The following EPHA7 variants were observed in gnomAD, a reference collection of about 807,000 sequenced individuals.
EPHA7 encodes EPH receptor A7.
EPHA7 carries 25 observed loss-of-function variants against 112.6 expected under a neutral mutation model. That is an observed-to-expected ratio of 0.22 (90% confidence interval 0.16 to 0.31). The LOEUF is 0.31. EPHA7 is among the 10% of genes least tolerant of loss of function. The pLI, the probability that EPHA7 is intolerant of heterozygous loss-of-function variation, is 1.00. For missense variants in EPHA7, 962 were observed against 1,212.6 expected (o/e 0.79, Z 3.07); for synonymous variants, 437 against 406.5 (o/e 1.07, Z -0.90).
intron 3 of EPHA7, among the ~76,000 whole-genome samples, chr6:93,407,083 AT>A (rs1209186421): frequency 6.6e-6 from 1 of 152,052 alleles, no homozygotes; most frequent in Non-Finnish European, 1.5e-5. Flanking sequence ...CTTGAGAAGC[AT>A]TTGGTTTTCA....
intron 7 of EPHA7, among the ~76,000 whole-genome samples, chr6:93,268,478 T>A (rs903213196): frequency 6.6e-6 from 1 of 151,810 alleles, no homozygotes; most frequent in South Asian, 2.1e-4. Flanking sequence ...TTAAATATTT[T>A]TAATTGAGAA....
chr6:93,385,213 A>G (rs1323916529), intron 3 of EPHA7, among the ~76,000 whole-genome samples: 1 of 152,148 alleles, frequency 6.6e-6, no homozygotes, highest in Admixed American at 6.5e-5. Context: ...ACTGATTGCA[A>G]ATGTATAATG....
At chr6:93,403,673 A>G (rs2127990368) in intron 3 of EPHA7, among the ~76,000 whole-genome samples, 1 of 152,018 alleles carries the variant, frequency 6.6e-6, no homozygotes, top group African/African-American at 2.4e-5. Flanking sequence ...AAAAAAAAAA[A>G]AAAAGAAAAA....
intron 2 of EPHA7, among the ~76,000 whole-genome samples, chr6:93,413,224 T>C (rs1261547411): frequency 1.3e-5 from 2 of 151,954 alleles, no homozygotes; most frequent in Admixed American, 6.6e-5. Flanking sequence ...ATTGCACAGA[T>C]ATAGAAAATA....
chr6:93,405,783 A>ATGTGTGTGTGTGTG (rs371052750), intron 3 of EPHA7, among the ~76,000 whole-genome samples: 9 of 95,290 alleles, frequency 9.4e-5, no homozygotes, highest in South Asian at 4.2e-4. Flanking sequence ...TTCTGTATAT[A>ATGTGTGTGTGTGTG]TGTGTGTGTG....
At chr6:93,358,530 G>C (rs754605248) in intron 3 of EPHA7, 119 bp from the exon 4 acceptor site, 17 of 797,662 alleles carry the variant, frequency 2.1e-5, no homozygotes, top group Non-Finnish European at 2.6e-5. Flanking sequence ...ACAAGCTCTT[G>C]ATGATAAAAT....
intron 5 of EPHA7, among the ~76,000 whole-genome samples, chr6:93,278,423 C>G (rs1771570562): frequency 6.6e-6 from 1 of 152,056 alleles, no homozygotes; most frequent in South Asian, 2.1e-4. Context: ...CTGTCCTATT[C>G]ATACCAGTCT....
At chr6:93,407,908 C>A (rs922424909) in intron 3 of EPHA7, among the ~76,000 whole-genome samples, 1 of 151,762 alleles carries the variant, frequency 6.6e-6, no homozygotes, top group African/African-American at 2.4e-5. Flanking sequence ...ATAAATATAT[C>A]TATTTACTGT....
chr6:93,274,340 T>C (rs1394691292), intron 5 of EPHA7, among the ~76,000 whole-genome samples: 33 of 151,930 alleles, frequency 2.2e-4, no homozygotes. Flanking sequence ...ATCTACCCTA[T>C]TTAGTTTCTG....
At chr6:93,407,164 T>G (rs182793202) in intron 3 of EPHA7, among the ~76,000 whole-genome samples, 22 of 152,064 alleles carry the variant, frequency 1.4e-4, no homozygotes, top group East Asian at 1.9e-4. Context: ...AATCAGTTTT[T>G]TATAGTTATT....
chr6:93,414,800 A>C, intron 1 of EPHA7, 33 bp from the exon 2 acceptor site: 2 of 1,570,314 alleles, frequency 1.3e-6, no homozygotes, highest in South Asian at 2.2e-5. Context: ...CATATGTTAC[A>C]TGAAACACTT....
chr6:93,247,577 A>C (rs1379573026), intron 14 of EPHA7, among the ~76,000 whole-genome samples: 4 of 152,140 alleles, frequency 2.6e-5, no homozygotes. Context: ...CCCTACTCCA[A>C]GTTCCCTTAC....
intron 5 of EPHA7, among the ~76,000 whole-genome samples, chr6:93,311,321 A>T (rs1305496111): frequency 6.6e-5 from 10 of 151,984 alleles, no homozygotes; most frequent in African/African-American, 2.4e-4. Context: ...CAACCTTCTC[A>T]AACCTTGCCA....
At position 93,410,642 on chromosome 6, in the gene EPHA7, G is replaced by T. The variant is rs749418654; in HGVS notation, c.691C>A (p.Arg231=). ...GSEFSSLVEV[R]GTCVSSAEEE... is the part of the protein sequence containing the mutation. ...TCTGCACTGCTGACACATGTCCCTC[G>T]AACCTCGACTAAAGAGGAAAATTCT... Residue 231 remains arginine, a synonymous_variant, in exon 3 of 17, where the codon CGA becomes AGA. Transcript: ENST00000369303. This position sits in a 1 kb window ranked among gnomAD's most constrained non-coding sequence, Gnocchi z 4.0. The T allele has an allele frequency of 6.2e-7, 1 of 1,613,894 alleles. No homozygotes were observed. The highest frequency in any genetic ancestry group is 8.5e-7 in the Non-Finnish European group (1 of 1,179,924).
intron 5 of EPHA7, among the ~76,000 whole-genome samples, chr6:93,294,877 T>G (rs1772573005): frequency 3.3e-5 from 5 of 152,094 alleles, no homozygotes. Flanking sequence ...TGAATTTATC[T>G]GAAATATGTA....
At chr6:93,337,903 G>C (rs989808798) in intron 5 of EPHA7, among the ~76,000 whole-genome samples, 4 of 151,992 alleles carry the variant, frequency 2.6e-5, no homozygotes, top group Non-Finnish European at 5.9e-5. Context: ...TCTGTACATA[G>C]TTCCTTACCA....
In EPHA7 at chr6:93,248,935, A is replaced by G. The variant is rs779022990; in HGVS notation, c.2533-1950T>C. Among the ~76,000 whole-genome samples the G allele has an allele frequency of 3.9e-5, 6 of 152,308 alleles. No homozygotes were observed. In the East Asian group the frequency reaches 9.7e-4, roughly 25 times the overall value. ...TTTCCATATCTGTATCTACATTTAT[A>G]TATCTTTCTCTATATATACATATCC... is the stretch of plus-strand genomic sequence containing the variant. On this transcript the variant is annotated intron_variant, in intron 14 of 16. Transcript: ENST00000369303.
intron 7 of EPHA7, among the ~76,000 whole-genome samples, chr6:93,268,632 T>C (rs1771062485): frequency 1.3e-5 from 2 of 151,600 alleles, no homozygotes; most frequent in East Asian, 2.0e-4. Flanking sequence ...TATAGAAACA[T>C]GTACTGAGAC....
In EPHA7 at chr6:93,339,309, G is replaced by C. The variant is rs531099750; in HGVS notation, c.1324+17408C>G. Among the ~76,000 whole-genome samples, 6 of 151,500 alleles carry C rather than the reference G, an allele frequency of 4.0e-5. No individual in the cohort carries two copies. The East Asian group carries it at 1.2e-3, about 29-fold the overall frequency. On this transcript the variant is annotated intron_variant, in intron 5 of 16. Coordinates refer to ENST00000369303, the MANE Select transcript of EPHA7 (RefSeq NM_004440.4). ...CGATTTATTATTCTTTTGTAGTCCC[G>C]GTTATTGAGAGGGTTACATATTGTG...
Sources: gnomAD v4.1 joint callset for allele counts (sites outside exome capture counted in the v4.1 genomes callset) on GRCh38, gnomAD v4.1.1 for gene constraint, Gnocchi (gnomAD v3.1) non-coding constraint, MANE v1.5 for transcripts, NCBI Gene and HGNC (gene_info 2026-07-23, HGNC 2026-07-21) for gene names.